TASP1: variants seen among roughly 807,000 people sequenced by gnomAD.
The protein encoded by TASP1 is taspase 1, also known as threonine aspartase 1.
In TASP1, 16 loss-of-function variants were observed where a neutral mutation model predicts 56.6. The observed-to-expected ratio is 0.28, with a 90% CI of 0.19 to 0.43. The LOEUF (loss-of-function observed/expected upper bound fraction) is 0.43, where lower values mean the gene tolerates loss of function less well. Ranked by LOEUF, TASP1 falls within the 20% of genes least tolerant of loss-of-function variation. The probability of loss-of-function intolerance (pLI) is 1.00; values close to 1 mark genes in which losing one functional copy is unlikely to be tolerated. For synonymous variants in TASP1, 179 were observed against 184.2 expected (o/e 0.97, Z 0.23); for missense variants, 393 against 511.6 (o/e 0.77, Z 2.24).
intron 13 of TASP1, among the ~76,000 whole-genome samples, chr20:13,404,173 G>C (rs1292881366): frequency 1.3e-5 from 2 of 152,070 alleles, no homozygotes; most frequent in Admixed American, 6.5e-5. Context: ...CATATAAATA[G>C]AATAATTCAC....
chr20:13,162,671 A>C, the TASP1 span, among the ~76,000 whole-genome samples: 1 of 152,200 alleles, frequency 6.6e-6, no homozygotes, highest in Non-Finnish European at 1.5e-5. Flanking sequence ...CATGTGTGAC[A>C]GTTGCTCATT....
the TASP1 span, chr20:13,165,061 G>C: frequency 4.7e-5 from 25 of 528,962 alleles, no homozygotes; most frequent in Non-Finnish European, 7.1e-5. Context: ...CATGATTCCA[G>C]ATTTAAGTCT....
At chr20:13,157,573 A>G in the TASP1 span, among the ~76,000 whole-genome samples, 50 of 151,738 alleles carry the variant, frequency 3.3e-4, no homozygotes, top group African/African-American at 1.2e-3. Flanking sequence ...AGTCCATAGG[A>G]AAAAAATGCA....
Position 13,576,399 on chromosome 20 carries a change from C to CAAAGAA in TASP1, c.488+4497_488+4498insTTCTTT, listed in dbSNP as rs1568603526. ...AAAGAAAGAAAGAAAGAAAGAAAGTCAGTCTTATGGAATCTATAAAAATGG... is the reference window on the plus strand; with the variant it reads ...AAAGAAAGAAAGAAAGAAAGAAAGTCAAAGAAAGTCTTATGGAATCTATAAAAATGG... On this transcript the variant is annotated intron_variant, in intron 6 of 13. Coordinates refer to ENST00000337743, the MANE Select transcript of TASP1 (RefSeq NM_017714.3). Among the ~76,000 whole-genome samples, 12 of 138,116 alleles carry CAAAGAA rather than the reference C, an allele frequency of 8.7e-5. No individual in the cohort carries two copies. The East Asian group carries it at 2.2e-3, about 26-fold the overall frequency. 90.6% of individuals were successfully genotyped at this position (138,116 alleles called of 152,430 possible).
chr20:13,614,758 GC>G (rs1444324862), intron 4 of TASP1: 1 of 465,438 alleles, frequency 2.1e-6, no homozygotes, highest in Non-Finnish European at 4.4e-6. Context: ...TAGAATATTG[GC>G]TTCAATAAAC....
At chr20:13,208,888 T>C in the TASP1 span, among the ~76,000 whole-genome samples, 2 of 152,166 alleles carry the variant, frequency 1.3e-5, no homozygotes, top group Non-Finnish European at 2.9e-5. Flanking sequence ...AATAAATTGG[T>C]TTTTGCTCTT....
the TASP1 span, among the ~76,000 whole-genome samples, chr20:13,357,213 A>G: frequency 6.8e-6 from 1 of 147,058 alleles, no homozygotes; most frequent in African/African-American, 2.7e-5. Flanking sequence ...AAAGATCTGC[A>G]AAGGATTAGA....
In TASP1 at chr20:13,390,139, T is replaced by A; in HGVS notation, c.*221A>T. On this transcript the variant is annotated 3_prime_UTR_variant, in exon 14 of 14. Transcript: ENST00000337743. ...CACATACTCCACACATACACATATGTGCGCACATACGCGCACACACTCACA... is the reference window on the plus strand; with the variant it reads ...CACATACTCCACACATACACATATGAGCGCACATACGCGCACACACTCACA... The A allele has an allele frequency of 2.0e-6, 1 of 500,008 alleles. No individual in the cohort carries two copies. The highest frequency in any genetic ancestry group is 3.7e-6 in the Non-Finnish European group (1 of 272,756). 31.0% of individuals were successfully genotyped at this position (500,008 alleles called of 1,614,324 possible).
intron 11 of TASP1, among the ~76,000 whole-genome samples, chr20:13,438,328 C>A (rs968166925): frequency 3.4e-4 from 52 of 152,150 alleles, no homozygotes; most frequent in Non-Finnish European, 1.2e-4. Flanking sequence ...TGGAACAGAA[C>A]AGAGCCCTCA....
the TASP1 span, among the ~76,000 whole-genome samples, chr20:13,106,844 G>A: frequency 6.6e-6 from 1 of 152,188 alleles, no homozygotes; most frequent in East Asian, 1.9e-4. Context: ...TCAGATCTAG[G>A]TTTGGAACTA....
At chr20:13,270,567 C>T in the TASP1 span, 32 of 1,613,830 alleles carry the variant, frequency 2.0e-5, no homozygotes, top group Non-Finnish European at 2.6e-5. Flanking sequence ...CAAAGAAGCA[C>T]CAAGGGAGCA....
the TASP1 span, among the ~76,000 whole-genome samples, chr20:13,227,959 CTTTTT>C: frequency 7.8e-6 from 1 of 129,018 alleles, no homozygotes; most frequent in Non-Finnish European, 1.6e-5. Context: ...CTGCTGCTGC[CTTTTT>C]TTTTTTTTTT....
At chr20:13,326,383 A>G in the TASP1 span, among the ~76,000 whole-genome samples, 18 of 152,274 alleles carry the variant, frequency 1.2e-4, no homozygotes, top group South Asian at 3.7e-3. Flanking sequence ...ATTCGATTTA[A>G]GTATATGTAT....
intron 1 of TASP1, among the ~76,000 whole-genome samples, chr20:13,636,086 T>C (rs999533566): frequency 2.6e-5 from 4 of 151,728 alleles, no homozygotes; most frequent in East Asian, 1.9e-4. Context: ...AGGGCTTTGA[T>C]AGAAATCCAG....
rs192315663 is a variant in TASP1 at position 13,576,239 on chromosome 20, G to A, written c.488+4658C>T. ...GGAGGGGAGGGGAGGGGAGGGGAGCGGAGGGAAGGGAAGATAAGAGAAGAG... is the reference window on the plus strand; with the variant it reads ...GGAGGGGAGGGGAGGGGAGGGGAGCAGAGGGAAGGGAAGATAAGAGAAGAG... On this transcript the variant is annotated intron_variant, in intron 6 of 13. Transcript: ENST00000337743. Among the ~76,000 whole-genome samples the A allele has an allele frequency of 1.4e-3, 193 of 140,812 alleles. 6 individuals carry two copies. The highest frequency in any genetic ancestry group is 4.2e-3 in the African/African-American group (163 of 38,698). 92.4% of individuals were successfully genotyped at this position (140,812 alleles called of 152,430 possible).
chr20:13,438,342 A>G (rs1171744294), intron 11 of TASP1, among the ~76,000 whole-genome samples: 3 of 152,346 alleles, frequency 2.0e-5, no homozygotes, highest in East Asian at 1.9e-4. Flanking sequence ...GCCCTCAGAA[A>G]TAATGCCACA....
At chr20:13,472,486 G>C (rs1312499112) in intron 11 of TASP1, among the ~76,000 whole-genome samples, 1 of 150,970 alleles carries the variant, frequency 6.6e-6, no homozygotes. Flanking sequence ...TGACAAATGG[G>C]ATCTAATTCG....
the TASP1 span, among the ~76,000 whole-genome samples, chr20:13,211,927 T>C: frequency 1.3e-5 from 2 of 152,224 alleles, no homozygotes; most frequent in Non-Finnish European, 2.9e-5. Context: ...TGGCACGAAG[T>C]TGAAAATGGT....
the TASP1 span, chr20:13,245,125 G>T: frequency 2.2e-3 from 342 of 152,208 alleles, 3 homozygotes; most frequent in African/African-American, 7.3e-3. Context: ...TCTTGTATTG[G>T]TTATCTATTG....
Sources: gnomAD v4.1 joint callset for allele counts (sites outside exome capture counted in the v4.1 genomes callset) on GRCh38, gnomAD v4.1.1 for gene constraint, MANE v1.5 for transcripts, NCBI Gene and HGNC (gene_info 2026-07-23, HGNC 2026-07-21) for gene names.